Variants in AFF3 observed in about 807,000 individuals in gnomAD.
AFF3 encodes AF4/FMR2 family member 3.
AFF3 carries 32 observed loss-of-function variants against 129.7 expected under a neutral mutation model. That is an observed-to-expected ratio of 0.25 (90% CI 0.19 to 0.33). AFF3 has a LOEUF of 0.33. Among genes scored for constraint, AFF3 ranks in the 10% least tolerant of loss-of-function variants. The pLI is 1.00. For synonymous variants in AFF3, 644 were observed against 635.4 expected (o/e 1.01, Z -0.20); for missense variants, 1,373 against 1,592.0 (o/e 0.86, Z 2.34).
intron 7 of AFF3, among the ~76,000 whole-genome samples, chr2:99,864,543 C>T (rs1216593398): frequency 6.6e-6 from 1 of 152,142 alleles, no homozygotes; most frequent in Non-Finnish European, 1.5e-5. Flanking sequence ...TAACAGGCTA[C>T]CATTGTCATG....
At chr2:99,723,341 T>C (rs1401835727) in intron 11 of AFF3, among the ~76,000 whole-genome samples, 1 of 152,236 alleles carries the variant, frequency 6.6e-6, no homozygotes, top group Non-Finnish European at 1.5e-5. Flanking sequence ...TGAAGAAAGA[T>C]GCTTCCTTAG....
intron 8 of AFF3, among the ~76,000 whole-genome samples, chr2:99,798,927 C>T (rs979770565): frequency 3.3e-5 from 5 of 151,786 alleles, no homozygotes; most frequent in Admixed American, 3.3e-4. Context: ...ACTAATGTAG[C>T]CTTGAACAAC....
chr2:100,007,046 T>A (rs1488404125), intron 6 of AFF3, 29 bp from the exon 7 acceptor site: 1 of 1,594,162 alleles, frequency 6.3e-7, no homozygotes, highest in Non-Finnish European at 8.6e-7. Flanking sequence ...AAGAGGAAGA[T>A]AAGGATGAGG....
chr2:99,657,042 C>T (rs1044948189), intron 12 of AFF3, among the ~76,000 whole-genome samples: 1 of 152,120 alleles, frequency 6.6e-6, no homozygotes, highest in Non-Finnish European at 1.5e-5. Context: ...GCTGTACAGT[C>T]GCTCTAATGA....
At chr2:99,627,564 G>T (rs1402091902) in intron 13 of AFF3, among the ~76,000 whole-genome samples, 1 of 152,108 alleles carries the variant, frequency 6.6e-6, no homozygotes, top group Non-Finnish European at 1.5e-5. Flanking sequence ...CTGTGCAGAA[G>T]CTCTTTAGTT....
chr2:100,028,858 G>A (rs1425665160), intron 4 of AFF3, among the ~76,000 whole-genome samples: 1 of 152,076 alleles, frequency 6.6e-6, no homozygotes, highest in Admixed American at 6.5e-5. Context: ...CAGCATGGGA[G>A]GTTCCTCAAA....
At chr2:99,957,201 G>A (rs895336089) in intron 7 of AFF3, among the ~76,000 whole-genome samples, 4 of 152,076 alleles carry the variant, frequency 2.6e-5, no homozygotes, top group Non-Finnish European at 5.9e-5. Context: ...GTGTGCGCGC[G>A]CGCGCATTTT....
chr2:100,061,860 G>C (rs528516490), intron 4 of AFF3, among the ~76,000 whole-genome samples: 10 of 151,108 alleles, frequency 6.6e-5, no homozygotes, highest in East Asian at 2.0e-4. Context: ...ACAGTGGAGG[G>C]GGGGGGGGTG....
chr2:99,670,547 G>T (rs1000676643), intron 12 of AFF3, among the ~76,000 whole-genome samples: 1 of 152,156 alleles, frequency 6.6e-6, no homozygotes, highest in East Asian at 1.9e-4. Flanking sequence ...GTGTGTGTGT[G>T]TGTGTGTGTT....
At chr2:99,577,295 C>T (rs549333418) in intron 18 of AFF3, among the ~76,000 whole-genome samples, 6 of 152,222 alleles carry the variant, frequency 3.9e-5, no homozygotes, top group South Asian at 2.1e-4. Context: ...GATGGAGGAG[C>T]GGGGCGGACG....
intron 7 of AFF3, among the ~76,000 whole-genome samples, chr2:99,968,194 T>C (rs1264231595): frequency 6.6e-6 from 1 of 152,254 alleles, no homozygotes; most frequent in Non-Finnish European, 1.5e-5. Context: ...TATGCCTACA[T>C]GACCTTTGTC....
chr2:99,589,796 T>C (rs1678488357), intron 15 of AFF3, among the ~76,000 whole-genome samples: 1 of 152,114 alleles, frequency 6.6e-6, no homozygotes, highest in Admixed American at 6.6e-5. Context: ...TAAATAACCT[T>C]CTGGGTCTAG....
At chr2:100,050,211 A>G (rs1221715467) in intron 4 of AFF3, among the ~76,000 whole-genome samples, 1 of 152,080 alleles carries the variant, frequency 6.6e-6, no homozygotes, top group Non-Finnish European at 1.5e-5. Flanking sequence ...GGGGAAAAAA[A>G]GGCAGTTATG....
intron 7 of AFF3, among the ~76,000 whole-genome samples, chr2:99,949,932 T>C (rs1052615955): frequency 8.5e-5 from 13 of 152,240 alleles, no homozygotes; most frequent in Admixed American, 8.5e-4. Context: ...CTCATAACTC[T>C]TATAAATATT....
chr2:100,060,067 C>T lies in AFF3; in HGVS notation c.53+44335G>A, dbSNP rs372711880. 7.9e-5 allele frequency among the ~76,000 whole-genome samples: 12 copies of T among 152,216 alleles called. 1 individual carries two copies. In the South Asian group the frequency reaches 1.7e-3, roughly 21 times the overall value. Reference sequence around the variant, plus strand: ...GTCCCACACACACACGTGAAGGGGACACTCCCAACCCATGAGGGAAACACA... The same window carrying T: ...GTCCCACACACACACGTGAAGGGGATACTCCCAACCCATGAGGGAAACACA... On this transcript the variant is annotated intron_variant, in intron 4 of 24. Transcript: ENST00000672756.
At chr2:99,631,964 T>C (rs530729179) in intron 13 of AFF3, among the ~76,000 whole-genome samples, 8 of 146,060 alleles carry the variant, frequency 5.5e-5, no homozygotes, top group East Asian at 2.1e-4. Flanking sequence ...TTAGTTCCCA[T>C]AAAAAATGCA....
chr2:99,848,607 C>T (rs1467279226), intron 7 of AFF3, among the ~76,000 whole-genome samples: 1 of 151,940 alleles, frequency 6.6e-6, no homozygotes, highest in Non-Finnish European at 1.5e-5. Context: ...GCTTGTAATC[C>T]AACTAAAAGA....
At chr2:100,123,807 T>A (rs1387683472) in intron 2 of AFF3, among the ~76,000 whole-genome samples, 1 of 152,142 alleles carries the variant, frequency 6.6e-6, no homozygotes, top group Non-Finnish European at 1.5e-5. Context: ...CACAGTCACT[T>A]AATCCCACTC....
chr2:99,943,721 G>A (rs564423608), intron 7 of AFF3, among the ~76,000 whole-genome samples: 1 of 152,220 alleles, frequency 6.6e-6, no homozygotes, highest in Non-Finnish European at 1.5e-5. Flanking sequence ...TTAAAAAAGT[G>A]GAATCGTAAT....
Sources: allele counts gnomAD v4.1 joint callset (sites outside exome capture counted in the v4.1 genomes callset), GRCh38; gene constraint gnomAD v4.1.1; transcripts MANE v1.5; gene names NCBI Gene and HGNC (gene_info 2026-07-23, HGNC 2026-07-21).